PRKAG1: variants seen among roughly 807,000 people sequenced by gnomAD.
The protein encoded by PRKAG1 is 5'-AMP-activated protein kinase subunit gamma-1.
Under a neutral mutation model 48.2 loss-of-function variants are expected in PRKAG1, and 27 were observed. The observed-to-expected ratio is 0.56, with a 90% CI of 0.41 to 0.77. The LOEUF is 0.77. Among genes scored for constraint, PRKAG1 ranks in the 30% least tolerant of loss-of-function variants. PRKAG1 has a pLI of 0.00. For synonymous variants in PRKAG1, 130 were observed against 147.7 expected, an observed-to-expected ratio of 0.88 and a Z score of 0.87; for missense variants, 287 against 398.3, an observed-to-expected ratio of 0.72 and a Z score of 2.38.
Position 49,003,143 on chromosome 12 carries a change from C to T in PRKAG1, c.888+1G>A. The T allele has an allele frequency of 1.2e-6, 2 of 1,614,212 alleles. No homozygotes were observed. Among genetic ancestry groups the T allele is most frequent in the Non-Finnish European group, 8.5e-7 (1 of 1,180,036 alleles). On this transcript the variant is annotated splice_donor_variant, in intron 11 of 11. Coordinates refer to ENST00000548065, the MANE Select transcript of PRKAG1 (RefSeq NM_002733.5). LOFTEE classifies it high-confidence loss of function. ...TCCTTTAGGGTTGCTGGCCTCCCTA[C>T]CTCTGCTTCCACTAGCCTGTTGATG...
intron 1 of PRKAG1, among the ~76,000 whole-genome samples, chr12:49,015,426 T>C (rs576572412): frequency 6.6e-6 from 1 of 152,302 alleles, no homozygotes; most frequent in Admixed American, 6.5e-5. Context: ...TAATTCACAG[T>C]TGTTTTGTTT....
chr12:49,018,346 A>G, intron 1 of PRKAG1: 1 of 677,090 alleles, frequency 1.5e-6, no homozygotes, highest in African/African-American at 1.9e-5. Context: ...GCAAGCGGAG[A>G]TCCCTCTGGA....
At position 49,003,929 on chromosome 12, in the gene PRKAG1, A is replaced by T; in HGVS notation, c.538-7T>A. 1 of 1,585,838 alleles carries T rather than the reference A, an allele frequency of 6.3e-7. No individual in the cohort carries two copies. The highest frequency in any genetic ancestry group is 8.6e-7 in the Non-Finnish European group (1 of 1,164,582). ...GCTTGGGGAACTCAGTGATCTGAGG[A>T]AAGAACCATCAGCTTAACTTTCAAG... On this transcript the variant is annotated splice_region_variant and splice_polypyrimidine_tract_variant and intron_variant, in intron 8 of 11. Coordinates refer to ENST00000548065, the MANE Select transcript of PRKAG1 (RefSeq NM_002733.5).
At chr12:49,004,478 A>G in intron 8 of PRKAG1, 29 bp downstream of exon 8, 10 of 1,607,704 alleles carry the variant, frequency 6.2e-6, no homozygotes, top group Non-Finnish European at 8.5e-6. Flanking sequence ...GAAAAAAGAG[A>G]AAAAAGAACT....
intron 2 of PRKAG1, among the ~76,000 whole-genome samples, chr12:49,006,837 C>T (rs1287839697): frequency 1.3e-5 from 2 of 151,824 alleles, no homozygotes; most frequent in Admixed American, 6.6e-5. Context: ...GGCATGGTGG[C>T]GCATGCCTGT....
At chr12:49,012,917 C>CT in intron 2 of PRKAG1, 145 bp downstream of exon 2, 1 of 751,844 alleles carries the variant, frequency 1.3e-6, no homozygotes, top group Admixed American at 2.4e-5. Context: ...TCTTGCCAAA[C>CT]TACTGTCACT....
chr12:49,013,234 C>A, intron 1 of PRKAG1, 124 bp from the exon 2 acceptor site: 1 of 813,058 alleles, frequency 1.2e-6, no homozygotes, highest in Admixed American at 2.7e-5. Context: ...CCACTGCCCC[C>A]GCCAAACCCT....
chr12:49,004,112 A>T (rs1435938554), intron 8 of PRKAG1, 190 bp from the exon 9 acceptor site: 1 of 701,164 alleles, frequency 1.4e-6, no homozygotes, highest in Non-Finnish European at 2.2e-6. Context: ...CAACATGGCA[A>T]AACCCTATCT....
chr12:49,011,694 C>T (rs1361795449), intron 2 of PRKAG1, among the ~76,000 whole-genome samples: 1 of 151,718 alleles, frequency 6.6e-6, no homozygotes, highest in Non-Finnish European at 1.5e-5. Flanking sequence ...TCCCAAGCAG[C>T]TGGGATTATA....
chr12:49,017,445 C>G (rs2137689662), intron 1 of PRKAG1: 13 of 317,988 alleles, frequency 4.1e-5, no homozygotes, highest in South Asian at 2.9e-4. Context: ...CTCCTGAGCT[C>G]AAGCAATCCA....
At position 49,005,063 on chromosome 12, in the gene PRKAG1, T is replaced by G. The variant is rs370043551; in HGVS notation, c.356-45A>C. The G allele has an allele frequency of 6.2e-7, 1 of 1,613,206 alleles. No homozygotes were observed. Among genetic ancestry groups the G allele is most frequent in the African/African-American group, 1.3e-5 (1 of 74,968 alleles). ...GTCACAAAATACCACCATGGAAAAG[T>G]GTTTCCCAGAAACCCGCCATCCCTT... On this transcript the variant is annotated intron_variant, in intron 6 of 11. Transcript: ENST00000548065. The surrounding 1 kb of genome is among the most constrained non-coding windows in gnomAD (Gnocchi z 4.1).
At chr12:49,014,650 CG>C (rs1459723137) in intron 1 of PRKAG1, among the ~76,000 whole-genome samples, 1 of 152,210 alleles carries the variant, frequency 6.6e-6, no homozygotes, top group Non-Finnish European at 1.5e-5. Context: ...ATAAGGAACA[CG>C]AATGTACTGA....
At chr12:49,006,143 T>C (rs931618167) in intron 2 of PRKAG1, among the ~76,000 whole-genome samples, 1 of 152,210 alleles carries the variant, frequency 6.6e-6, no homozygotes, top group South Asian at 2.1e-4. Context: ...TAACATGTTA[T>C]AGTCTAAAAA....
intron 1 of PRKAG1, chr12:49,016,668 T>G (rs1449372242): frequency 6.5e-6 from 1 of 154,476 alleles, no homozygotes; most frequent in East Asian, 1.9e-4. Context: ...CAATTTATCT[T>G]TCATGCTTTC....
At chr12:49,006,614 G>A (rs1164851838) in intron 2 of PRKAG1, among the ~76,000 whole-genome samples, 1 of 152,124 alleles carries the variant, frequency 6.6e-6, no homozygotes, top group African/African-American at 2.4e-5. Flanking sequence ...TCTAAACTAG[G>A]GAAGTAATCT....
At chr12:49,010,473 T>C (rs980221186) in intron 2 of PRKAG1, among the ~76,000 whole-genome samples, 1 of 152,202 alleles carries the variant, frequency 6.6e-6, no homozygotes, top group Non-Finnish European at 1.5e-5. Flanking sequence ...GCATCGAGTA[T>C]AGTTCACTAC....
Position 49,002,855 on chromosome 12 carries a change from G to A in PRKAG1, c.*44C>T. 3.9e-6 allele frequency: 6 copies of A among 1,539,646 alleles called. No homozygotes were observed. The highest frequency in any genetic ancestry group is 5.4e-6 in the Non-Finnish European group (6 of 1,115,242). ...TCCCACAGAGCTTCCAGCAGGCAGT[G>A]AGTTGGGCATATCCCCTGGTGCTGC... On this transcript the variant is annotated 3_prime_UTR_variant, in exon 12 of 12. Coordinates refer to ENST00000548065, the MANE Select transcript of PRKAG1 (RefSeq NM_002733.5).
chr12:49,009,073 C>G (rs971375992), intron 2 of PRKAG1, among the ~76,000 whole-genome samples: 1 of 150,760 alleles, frequency 6.6e-6, no homozygotes, highest in African/African-American at 2.4e-5. Flanking sequence ...CTAGACTGAT[C>G]CTTTAAATGT....
chr12:49,011,555 CTTT>C (rs71802764), intron 2 of PRKAG1, among the ~76,000 whole-genome samples: 2 of 136,994 alleles, frequency 1.5e-5, no homozygotes, highest in African/African-American at 2.7e-5. Context: ...TAGTTGTCGC[CTTT>C]TTTTTTTTTT....
Sources: gnomAD v4.1 joint callset for allele counts (sites outside exome capture counted in the v4.1 genomes callset) on GRCh38, gnomAD v4.1.1 for gene constraint, Gnocchi (gnomAD v3.1) non-coding constraint, MANE v1.5 for transcripts, NCBI Gene and HGNC (gene_info 2026-07-23, HGNC 2026-07-21) for gene names.